PDE10A: variants seen among roughly 807,000 people sequenced by gnomAD.
PDE10A encodes the protein phosphodiesterase 10A.
In PDE10A, 39 loss-of-function variants were observed where a neutral mutation model predicts 97.7. The observed-to-expected ratio is 0.40, with a 90% CI of 0.31 to 0.52. PDE10A has a LOEUF of 0.52. Among genes scored for constraint, PDE10A ranks in the 20% least tolerant of loss-of-function variants. The probability of loss-of-function intolerance (pLI) is 0.56; values close to 1 mark genes in which losing one functional copy is unlikely to be tolerated. For synonymous variants in PDE10A, 371 were observed against 376.8 expected (o/e 0.98, Z 0.18); for missense variants, 731 against 1,047.8 (o/e 0.70, Z 4.17).
At chr6:165,619,452 G>A (rs1787973890) in intron 1 of PDE10A, among the ~76,000 whole-genome samples, 1 of 11,852 alleles carries the variant, frequency 8.4e-5, no homozygotes, top group Non-Finnish European at 2.1e-4. Flanking sequence ...GTATAGTCTA[G>A]TGTAGTGTAG....
chr6:165,604,231 A>G (rs1032801743), intron 1 of PDE10A, among the ~76,000 whole-genome samples: 2 of 152,214 alleles, frequency 1.3e-5, no homozygotes, highest in Non-Finnish European at 2.9e-5. Flanking sequence ...TCTGTAGTAA[A>G]GCGCTGGGAG....
intron 1 of PDE10A, among the ~76,000 whole-genome samples, chr6:165,596,076 T>C (rs1020524633): frequency 6.6e-6 from 1 of 152,212 alleles, no homozygotes; most frequent in Admixed American, 6.5e-5. Context: ...GGAGAAACGA[T>C]ACCTTTATGG....
chr6:165,983,151 T>A (rs138929821), intron 1 of PDE10A, among the ~76,000 whole-genome samples: 25 of 152,252 alleles, frequency 1.6e-4, no homozygotes, highest in Admixed American at 3.3e-4. Flanking sequence ...TAAGCTAGGA[T>A]AATGTACTTC....
At chr6:165,715,383 G>A (rs995127385) in intron 1 of PDE10A, among the ~76,000 whole-genome samples, 1 of 152,262 alleles carries the variant, frequency 6.6e-6, no homozygotes. Context: ...CAGAAGTGGT[G>A]TGTGCGTCAG....
chr6:165,763,543 G>C (rs544144166), intron 1 of PDE10A, among the ~76,000 whole-genome samples: 58 of 152,218 alleles, frequency 3.8e-4, no homozygotes, highest in African/African-American at 1.3e-3. Flanking sequence ...GGCTGGTCTC[G>C]AACTCCTGAC....
chr6:165,562,119 C>G (rs1784551459), intron 1 of PDE10A, among the ~76,000 whole-genome samples: 1 of 151,924 alleles, frequency 6.6e-6, no homozygotes, highest in Non-Finnish European at 1.5e-5. Context: ...TCCTTGGGAG[C>G]AGAACTAAAT....
At chr6:165,647,587 C>T (rs1214124321) in intron 1 of PDE10A, among the ~76,000 whole-genome samples, 2 of 151,968 alleles carry the variant, frequency 1.3e-5, no homozygotes, top group South Asian at 2.1e-4. Context: ...AACACATTTT[C>T]CTTTAATTTC....
At chr6:165,921,433 G>A (rs1782749791) in intron 1 of PDE10A, among the ~76,000 whole-genome samples, 1 of 152,240 alleles carries the variant, frequency 6.6e-6, no homozygotes, top group Admixed American at 6.5e-5. Flanking sequence ...TAGAGGCTGA[G>A]AGTAAAGCCA....
rs77740846 is a variant in PDE10A, at chr6:165,802,531, C to T, written c.-615+184998G>A. On this transcript the variant is annotated intron_variant, in intron 1 of 19. Coordinates refer to the PDE10A transcript ENST00000366882. ...TACAATTTGCCTTGGGAAGAGCTAC[C>T]GCAAAGTGGTGGAGCAGAGCCAGGC... Among the ~76,000 whole-genome samples, 41 of 152,252 alleles carry T rather than the reference C, an allele frequency of 2.7e-4. 2 individuals carry two copies. The East Asian group carries it at 7.7e-3, about 29-fold the overall frequency.
intron 1 of PDE10A, among the ~76,000 whole-genome samples, chr6:165,909,433 G>C (rs1002851275): frequency 1.6e-4 from 25 of 152,232 alleles, no homozygotes; most frequent in African/African-American, 5.8e-4. Context: ...GGACACCGTA[G>C]CTTAGGACAA....
chr6:165,843,613 C>T (rs1780322086), intron 1 of PDE10A, among the ~76,000 whole-genome samples: 1 of 152,270 alleles, frequency 6.6e-6, no homozygotes, highest in South Asian at 2.1e-4. Context: ...GACACCCACC[C>T]CATCCCTGAG....
chr6:165,680,585 T>C (rs1790947426), intron 1 of PDE10A, among the ~76,000 whole-genome samples: 2 of 152,152 alleles, frequency 1.3e-5, no homozygotes, highest in Admixed American at 6.5e-5. Context: ...GTAACACATA[T>C]ACACAAAAAT....
At position 165,428,720 on chromosome 6, in the gene PDE10A, G is replaced by T. The variant is rs369117565; in HGVS notation, c.1602-11C>A. The T allele has an allele frequency of 3.7e-6, 4 of 1,089,764 alleles. No individual in the cohort carries two copies. The highest frequency in any genetic ancestry group is 5.5e-6 in the Non-Finnish European group (4 of 721,844). The allele number at this position is 1,089,764 out of a possible 1,614,324, so 67.5% of individuals were successfully genotyped here. ...TTATCAAAATATGTTCTGAAAAAAA[G>T]AAACATAAATCCTGTAAGTAATTTC... On this transcript the variant is annotated splice_polypyrimidine_tract_variant and intron_variant, in intron 9 of 21. Coordinates refer to ENST00000539869, the MANE Select transcript of PDE10A (RefSeq NM_001385079.1).
intron 15 of PDE10A, among the ~76,000 whole-genome samples, 158 bp downstream of exon 15, chr6:165,395,023 A>G (rs887881513): frequency 1.3e-5 from 2 of 152,224 alleles, no homozygotes; most frequent in Admixed American, 1.3e-4. Context: ...TAATAATCTC[A>G]GCCCTTTTTT....
chr6:165,359,183 A>G (rs1295901739), intron 18 of PDE10A, among the ~76,000 whole-genome samples: 4 of 152,062 alleles, frequency 2.6e-5, no homozygotes, highest in Non-Finnish European at 4.4e-5. Context: ...AATATGTTCT[A>G]TTTATCTACA....
At position 165,388,355 on chromosome 6, in the gene PDE10A, G is replaced by A. The variant is rs755320007; in HGVS notation, c.2553C>T (p.Leu851=). Residue 851 remains leucine (L), a synonymous_variant, in exon 17 of 22, where the codon CTC becomes CTT. Coordinates refer to ENST00000539869, the MANE Select transcript of PDE10A (RefSeq NM_001385079.1). This position sits in a 1 kb window ranked among gnomAD's most constrained non-coding sequence, Gnocchi z 4.0. ...GCTGCTCCATGGTGGAAGTGGAGTA[G>A]AGAGCGGCCAGAGGGTGGTCGAACT... ...LQKFDHPLAA[L]YSTSTMEQHH... is the part of the protein sequence containing the mutation. 4 of 1,614,150 alleles carry A rather than the reference G, an allele frequency of 2.5e-6. No individual in the cohort carries two copies. The highest frequency in any genetic ancestry group is 3.4e-6 in the Non-Finnish European group (4 of 1,179,994).
At chr6:165,956,317 C>A (rs1784133482) in intron 1 of PDE10A, among the ~76,000 whole-genome samples, 1 of 152,140 alleles carries the variant, frequency 6.6e-6, no homozygotes, top group African/African-American at 2.4e-5. Context: ...GGAATCAATG[C>A]CTGTGGCAAT....
chr6:165,349,964 T>G (rs2128185707), intron 18 of PDE10A, among the ~76,000 whole-genome samples: 1 of 152,294 alleles, frequency 6.6e-6, no homozygotes. Flanking sequence ...CAGGCAGAAG[T>G]TTGCTGCAGG....
At chr6:165,597,291 A>C (rs1194323093) in intron 1 of PDE10A, among the ~76,000 whole-genome samples, 2 of 145,806 alleles carry the variant, frequency 1.4e-5, no homozygotes, top group Admixed American at 6.7e-5. Context: ...ACCATGGATT[A>C]AGAAAATTAT....
Sources: allele counts gnomAD v4.1 joint callset (sites outside exome capture counted in the v4.1 genomes callset), GRCh38; gene constraint gnomAD v4.1.1; non-coding constraint Gnocchi (gnomAD v3.1); transcripts MANE v1.5; gene names NCBI Gene and HGNC (gene_info 2026-07-23, HGNC 2026-07-21).